Variants in KRT86 observed in about 807,000 individuals in gnomAD.
KRT86 encodes the protein keratin 86.
In KRT86, 30 loss-of-function variants were observed where a neutral mutation model predicts 41.2. That is an observed-to-expected ratio of 0.73 (90% confidence interval 0.54 to 0.99). The LOEUF (loss-of-function observed/expected upper bound fraction) is 0.99. Ranked by LOEUF, KRT86 falls within the 50% of genes least tolerant of loss-of-function variation. The pLI, the probability that KRT86 is intolerant of heterozygous loss-of-function variation, is 0.00. For missense variants in KRT86, 561 were observed against 571.4 expected (o/e 0.98, Z 0.19); for synonymous variants, 238 against 238.1 (o/e 1.00, Z 0.00).
intron 2 of KRT86, chr12:52,291,548 A>G: frequency 6.4e-7 from 1 of 1,571,418 alleles, no homozygotes; most frequent in Non-Finnish European, 8.7e-7. Flanking sequence ...TCCTCAGGGC[A>G]CCGCAGCCCT....
chr12:52,296,671 C>T (rs2121275233), intron 2 of KRT86, among the ~76,000 whole-genome samples: 1 of 152,300 alleles, frequency 6.6e-6, no homozygotes, highest in South Asian at 2.1e-4. Context: ...GGGCTCTCCC[C>T]AATCACCCAC....
At chr12:52,284,799 T>C (rs1049364075) in intron 2 of KRT86, among the ~76,000 whole-genome samples, 1 of 152,164 alleles carries the variant, frequency 6.6e-6, no homozygotes, top group Non-Finnish European at 1.5e-5. Context: ...AGATGTATGT[T>C]CAGGGAGTCA....
At chr12:52,295,673 C>T (rs1045724428) in intron 2 of KRT86, among the ~76,000 whole-genome samples, 13 of 152,162 alleles carry the variant, frequency 8.5e-5, no homozygotes, top group South Asian at 2.1e-4. Context: ...AAAATGGAAA[C>T]CCTGCAGCAC....
intron 2 of KRT86, chr12:52,286,907 A>G: frequency 6.4e-7 from 1 of 1,558,838 alleles, no homozygotes; most frequent in Admixed American, 1.7e-5. Flanking sequence ...TAGGGTCCAC[A>G]ACTGGTCAAT....
chr12:52,286,381 G>A, intron 2 of KRT86: 1 of 1,555,408 alleles, frequency 6.4e-7, no homozygotes, highest in South Asian at 1.2e-5. Context: ...ACAGGCCGGT[G>A]CTCACCGCCA....
chr12:52,302,219 C>G lies in KRT86; in HGVS notation c.303C>G (p.Cys101Trp), dbSNP rs1397757749. 1.8e-6 allele frequency: 2 copies of G among 1,138,374 alleles called. No individual in the cohort carries two copies. The highest frequency in any genetic ancestry group is 2.4e-6 in the Non-Finnish European group (2 of 817,196). 70.5% of individuals were successfully genotyped at this position (1,138,374 alleles called of 1,614,324 possible). The change falls in exon 3 of 11, where the codon TGC becomes TGG. Residue 101 changes from cysteine (C) to tryptophan (W), a missense_variant. Around this residue, in one of 3 missense-constraint regions of KRT86, gnomAD observed 164 missense variants for 172.5 expected, o/e 0.95. Coordinates refer to ENST00000423955, the MANE Select transcript of KRT86 (RefSeq NM_001320198.2). ...LNLEIDPNAQ[C>W]VKQEEKEQIK... ...TGGAGATCGACCCCAACGCGCAGTG[C>G]GTGAAGCAGGAGGAGAAGGAGCAGA... is the stretch of plus-strand genomic sequence containing the variant.
At position 52,305,691 on chromosome 12, in the gene KRT86, G is replaced by A; in HGVS notation, c.929G>A (p.Arg310Lys). 1 of 1,614,120 alleles carries A rather than the reference G, an allele frequency of 6.2e-7. No homozygotes were observed. Residue 310 changes from arginine to lysine, a missense_variant, in exon 8 of 11, where the codon AGG (arginine) becomes AAG (lysine). This residue lies in a region of KRT86 where 397 missense variants were observed against 375.9 expected (regional missense o/e 1.06). Coordinates refer to ENST00000423955, the MANE Select transcript of KRT86 (RefSeq NM_001320198.2). ...GAGGAGATGAAGGCCACGGTGATCA[G>A]GCACGGGGAGACCCTGCGCCGCACC... is the stretch of plus-strand genomic sequence containing the variant. ...KCEEMKATVI[R>K]HGETLRRTKE...
rs1437546938 is a variant in KRT86 at position 52,306,064 on chromosome 12, C to T, written c.1031C>T (p.Ser344Phe). 1 of 1,613,908 alleles carries T rather than the reference C, an allele frequency of 6.2e-7. No homozygotes were observed. Among genetic ancestry groups the T allele is most frequent in the East Asian group, 2.2e-5 (1 of 44,880 alleles). Residue 344 changes from serine (S) to phenylalanine (F), a missense_variant, in exon 9 of 11, where the codon TCC becomes TTC. Ser to Phe is a radical substitution (Grantham distance 155). This residue lies in a region of KRT86 where 397 missense variants were observed against 375.9 expected (regional missense o/e 1.06). Transcript: ENST00000423955. ...TGTTCTCTCTGTTCTCTTCAGAATT[C>T]CAAGCTGGAGGCTGCGGTGGCTCAG... ...AEVENAKCQN[S>F]KLEAAVAQSE... is the part of the protein sequence containing the mutation.
chr12:52,293,261 C>A (rs1239700405), intron 2 of KRT86, among the ~76,000 whole-genome samples: 1 of 152,168 alleles, frequency 6.6e-6, no homozygotes, highest in Non-Finnish European at 1.5e-5. Context: ...ATCTCTAATT[C>A]TCACATCAAT....
intron 2 of KRT86, among the ~76,000 whole-genome samples, chr12:52,278,165 C>A (rs1363843711): frequency 6.6e-6 from 1 of 152,178 alleles, no homozygotes; most frequent in Non-Finnish European, 1.5e-5. Context: ...GGGCTGTCAC[C>A]AGGCTAGGGG....
chr12:52,285,471 C>T (rs144971518), intron 2 of KRT86, among the ~76,000 whole-genome samples: 47 of 152,300 alleles, frequency 3.1e-4, no homozygotes, highest in African/African-American at 1.1e-3. Context: ...ATGAGTCTTC[C>T]CTACCAAAGC....
intron 2 of KRT86, among the ~76,000 whole-genome samples, chr12:52,277,980 G>A (rs1937673532): frequency 6.6e-6 from 1 of 152,226 alleles, no homozygotes; most frequent in Non-Finnish European, 1.5e-5. Flanking sequence ...AGAGACCAGG[G>A]GCCGGTTTGT....
intron 2 of KRT86, among the ~76,000 whole-genome samples, chr12:52,299,537 G>A (rs528898567): frequency 6.6e-6 from 1 of 152,286 alleles, no homozygotes; most frequent in South Asian, 2.1e-4. Context: ...TTTCCATAGT[G>A]GCTGTAGTAA....
intron 2 of KRT86, chr12:52,291,590 G>T: frequency 6.9e-7 from 1 of 1,448,238 alleles, no homozygotes; most frequent in Non-Finnish European, 9.3e-7. Context: ...GGGCTTGGCT[G>T]TGAAGATGAT....
rs1938469736 is a variant in KRT86 at position 52,304,961 on chromosome 12, A to G, written c.669A>G (p.Ser223=). 1.9e-6 allele frequency: 3 copies of G among 1,614,174 alleles called. No homozygotes were observed. Among genetic ancestry groups the G allele is most frequent in the Non-Finnish European group, 2.5e-6 (3 of 1,180,020 alleles). ...KDVDCAYLRK[S]DLEANVEALI... is the part of the protein sequence containing the mutation. ...TGGACTGCGCCTACCTCCGCAAATC[A>G]GACCTGGAGGCCAATGTGGAGGCCC... The change falls in exon 6 of 11, where the codon TCA becomes TCG. Residue 223 remains serine, a synonymous_variant. Transcript: ENST00000423955.
intron 2 of KRT86, among the ~76,000 whole-genome samples, chr12:52,292,195 C>T (rs1938146310): frequency 1.3e-5 from 2 of 152,104 alleles, no homozygotes; most frequent in Non-Finnish European, 2.9e-5. Context: ...CTGTTTACCC[C>T]GATTCAACAG....
intron 2 of KRT86, among the ~76,000 whole-genome samples, chr12:52,300,436 C>T (rs891438364): frequency 6.6e-6 from 1 of 152,218 alleles, no homozygotes; most frequent in Non-Finnish European, 1.5e-5. Context: ...CCCATCTGCT[C>T]TGTGCTCTGG....
rs200241229 is a variant in KRT86 at position 52,283,470 on chromosome 12, A to ATT, written c.-5+7548_-5+7549dup. ...ATGTTAGTAGCCACCTAATCCAAGC[A>ATT]TTTTTTTTTTTTTTTTTTTTTTTTT... On this transcript the variant is annotated intron_variant, in intron 2 of 10. Coordinates refer to ENST00000423955, the MANE Select transcript of KRT86 (RefSeq NM_001320198.2). Among the ~76,000 whole-genome samples the ATT allele has an allele frequency of 4.0e-3, 262 of 65,368 alleles. 1 individual carries two copies. The highest frequency in any genetic ancestry group is 4.9e-3 in the Non-Finnish European group (196 of 40,168). The allele number at this position is 65,368 out of a possible 152,430, so 42.9% of individuals were successfully genotyped here. A position where few individuals can be genotyped will look rare whatever the true frequency, so the allele number is the denominator to read the frequency against.
At chr12:52,291,388 G>A in intron 2 of KRT86, 1 of 1,607,936 alleles carries the variant, frequency 6.2e-7, no homozygotes. Context: ...CGGCGGTGAT[G>A]CAGCAGCGGC....
Sources: allele counts gnomAD v4.1 joint callset (sites outside exome capture counted in the v4.1 genomes callset), GRCh38; gene constraint gnomAD v4.1.1; regional missense constraint gnomAD v4.1.1; transcripts MANE v1.5; gene names NCBI Gene and HGNC (gene_info 2026-07-23, HGNC 2026-07-21).